The following ATP13A3 variants were observed in gnomAD, a reference collection of about 807,000 sequenced individuals.
The protein encoded by ATP13A3 is polyamine-transporting ATPase 13A3.
Under a neutral mutation model 158.1 loss-of-function variants are expected in ATP13A3, and 59 were observed. The observed-to-expected ratio is 0.37, with a 90% CI of 0.30 to 0.46. ATP13A3 has a LOEUF of 0.46. ATP13A3 is among the 20% of genes least tolerant of loss of function. The probability of loss-of-function intolerance (pLI) is 1.00; values close to 1 mark genes in which losing one functional copy is unlikely to be tolerated. For missense variants in ATP13A3, 1,166 were observed against 1,525.2 expected (o/e 0.76, Z 3.92); for synonymous variants, 491 against 504.3 (o/e 0.97, Z 0.35).
chr3:194,420,684 C>G (rs1292696168), intron 30 of ATP13A3, among the ~76,000 whole-genome samples: 1 of 152,138 alleles, frequency 6.6e-6, no homozygotes, highest in Non-Finnish European at 1.5e-5. Flanking sequence ...AAAAACCAAA[C>G]TGCTTGCTCA....
chr3:194,444,742 T>A lies in ATP13A3; in HGVS notation c.1542A>T (p.Gln514His). ...TEDGLDLWGI[Q>H]RVENARFLSP... ...ATATTTACCGTGCATTTTCCACTCG[T>A]TGAATCCCCCAAAGATCTAAACCAT... Residue 514 changes from glutamine to histidine, a missense_variant, in exon 15 of 34, where the codon CAA becomes CAT. Gln to His is a conservative substitution (Grantham distance 24). Coordinates refer to ENST00000645319, the MANE Select transcript of ATP13A3 (RefSeq NM_001367549.1). 1 of 1,598,370 alleles carries A rather than the reference T, an allele frequency of 6.3e-7. No individual in the cohort carries two copies.
intron 2 of ATP13A3, among the ~76,000 whole-genome samples, chr3:194,465,109 G>A (rs968506831): frequency 6.6e-6 from 1 of 152,090 alleles, no homozygotes; most frequent in Non-Finnish European, 1.5e-5. Flanking sequence ...CAAGGAACTG[G>A]ACATCAGGCA....
At chr3:194,481,323 AGTTT>A (rs1236005220) in intron 2 of ATP13A3, among the ~76,000 whole-genome samples, 1 of 152,136 alleles carries the variant, frequency 6.6e-6, no homozygotes, top group African/African-American at 2.4e-5. Context: ...AACTAAAAAT[AGTTT>A]GTTTCAAGAA....
At position 194,447,931 on chromosome 3, in the gene ATP13A3, G is replaced by A. The variant is rs1282881297; in HGVS notation, c.1229C>T (p.Ala410Val). ...CACAAGACATAGTAGAAACAAGTAG[G>A]CATCTCTGTAGAGTTTAAAATCAGT... ...KPTDFKLYRD[A>V]YLFLLCLVAV... The change falls in exon 13 of 34, where the codon GCC (alanine) becomes GTC (valine). Residue 410 changes from alanine (A) to valine (V), a missense_variant. Ala to Val is a moderately conservative substitution (Grantham distance 64). Transcript: ENST00000645319. The A allele has an allele frequency of 6.2e-7, 1 of 1,610,138 alleles. No individual in the cohort carries two copies. The highest frequency in any genetic ancestry group is 8.5e-7 in the Non-Finnish European group (1 of 1,176,552).
At chr3:194,478,085 T>G (rs1415636989) in intron 2 of ATP13A3, among the ~76,000 whole-genome samples, 1 of 152,136 alleles carries the variant, frequency 6.6e-6, no homozygotes, top group Non-Finnish European at 1.5e-5. Context: ...AAAACCAAGA[T>G]GTTGTCAAGT....
In ATP13A3 at chr3:194,404,341, A is replaced by G; in HGVS notation, c.*1578T>C. ...TCCTGAGTGTAATTTCTATTTTTCT[A>G]TAGTTACCAAACATCATCCAGGTCT... is the stretch of plus-strand genomic sequence containing the variant. On this transcript the variant is annotated 3_prime_UTR_variant, in exon 34 of 34. Coordinates refer to ENST00000645319, the MANE Select transcript of ATP13A3 (RefSeq NM_001367549.1). 4.1e-6 allele frequency: 1 copy of G among 246,548 alleles called. No homozygotes were observed. The highest frequency in any genetic ancestry group is 8.0e-6 in the Non-Finnish European group (1 of 125,032). 15.3% of individuals were successfully genotyped at this position (246,548 alleles called of 1,614,324 possible).
At chr3:194,416,496 T>C (rs1200430096) in intron 31 of ATP13A3, among the ~76,000 whole-genome samples, 1 of 152,114 alleles carries the variant, frequency 6.6e-6, no homozygotes, top group East Asian at 1.9e-4. Flanking sequence ...AAACCACTTA[T>C]GTTAACAACA....
At chr3:194,470,805 T>G (rs1395966463) in intron 2 of ATP13A3, among the ~76,000 whole-genome samples, 1 of 152,202 alleles carries the variant, frequency 6.6e-6, no homozygotes, top group African/African-American at 2.4e-5. Flanking sequence ...TAGATAGATT[T>G]CAAAACATTA....
At chr3:194,425,225 G>C in intron 30 of ATP13A3, 117 bp downstream of exon 30, 1 of 994,760 alleles carries the variant, frequency 1.0e-6, no homozygotes, top group Non-Finnish European at 1.5e-6. Flanking sequence ...AAATCACTAA[G>C]TTGATTCTAT....
At chr3:194,489,798 T>A (rs1359892332), upstream of ATP13A3, among the ~76,000 whole-genome samples, 12 of 152,144 alleles carry the variant, frequency 7.9e-5, no homozygotes, top group Non-Finnish European at 1.2e-4. This position sits in a 1 kb window ranked among gnomAD's most constrained non-coding sequence, Gnocchi z 4.1. Context: ...GGACACTGGC[T>A]TTAGAGGAAG....
In ATP13A3 at chr3:194,405,849, G is replaced by C; in HGVS notation, c.*70C>G. 2 of 1,499,994 alleles carry C rather than the reference G, an allele frequency of 1.3e-6. No homozygotes were observed. Among genetic ancestry groups the C allele is most frequent in the East Asian group, 2.3e-5 (1 of 44,178 alleles). The allele number at this position is 1,499,994 out of a possible 1,614,324, so 92.9% of individuals were successfully genotyped here. A position where few individuals can be genotyped will look rare whatever the true frequency, so the allele number is the denominator to read the frequency against. ...GAACTAGTGCCATTCTGACACACAG[G>C]ATCAGAAACTCCTAAAATCACATAT... On this transcript the variant is annotated 3_prime_UTR_variant, in exon 34 of 34. Transcript: ENST00000645319.
intron 8 of ATP13A3, 112 bp from the exon 9 acceptor site, chr3:194,454,504 A>C: frequency 8.4e-7 from 1 of 1,194,620 alleles, no homozygotes; most frequent in Non-Finnish European, 1.2e-6. Flanking sequence ...GATAAGCTCC[A>C]TAGTATTCTA....
intron 2 of ATP13A3, among the ~76,000 whole-genome samples, chr3:194,477,307 C>T (rs1405194743): frequency 6.6e-6 from 1 of 152,160 alleles, no homozygotes; most frequent in Admixed American, 6.5e-5. Flanking sequence ...AGACTAAAAA[C>T]CTTAAAGGCT....
intron 18 of ATP13A3, 26 bp downstream of exon 18, chr3:194,437,530 G>GC (rs747823106): frequency 6.2e-7 from 1 of 1,611,364 alleles, no homozygotes; most frequent in Non-Finnish European, 8.5e-7. Flanking sequence ...AATATACTTA[G>GC]TAAGAAGTAA....
rs556627412 is a variant in ATP13A3 at position 194,462,204 on chromosome 3, T to G, written c.-14A>C. ...TTCCCTGTCCATACCTACAGTGGAT[T>G]AAAGGTCCAGTGCTTCAAACAATGG... On this transcript the variant is annotated 5_prime_UTR_variant, in exon 3 of 34. Transcript: ENST00000645319. 2.5e-6 allele frequency: 4 copies of G among 1,612,366 alleles called. No individual in the cohort carries two copies. Among genetic ancestry groups the G allele is most frequent in the South Asian group, 1.1e-5 (1 of 91,014 alleles).
chr3:194,476,515 G>T (rs772161600), intron 2 of ATP13A3, among the ~76,000 whole-genome samples: 2 of 152,114 alleles, frequency 1.3e-5, no homozygotes, highest in South Asian at 4.2e-4. Context: ...AGTCACCTTC[G>T]AACTCTTCCT....
chr3:194,440,724 A>T (rs1196498321), intron 16 of ATP13A3, among the ~76,000 whole-genome samples: 1 of 152,252 alleles, frequency 6.6e-6, no homozygotes, highest in Non-Finnish European at 1.5e-5. Context: ...ATAACCTCAA[A>T]GAAAATAAAT....
Position 194,403,779 on chromosome 3 carries a change from C to T in ATP13A3, c.*2140G>A, listed in dbSNP as rs1243110806. 8 of 207,002 alleles carry T rather than the reference C, an allele frequency of 3.9e-5. No homozygotes were observed. Among genetic ancestry groups the T allele is most frequent in the South Asian group, 7.3e-5 (1 of 13,774 alleles). 12.8% of individuals were successfully genotyped at this position (207,002 alleles called of 1,614,324 possible). On this transcript the variant is annotated 3_prime_UTR_variant, in exon 34 of 34. Coordinates refer to ENST00000645319, the MANE Select transcript of ATP13A3 (RefSeq NM_001367549.1). The stretch of plus-strand genomic sequence containing the variant: ...GGCATTCTTCAAATAACATTCTCAA[C>T]GTGAATAACCCACCTTGTCTATATT...
At chr3:194,485,073 A>T (rs1010733074) in intron 2 of ATP13A3, among the ~76,000 whole-genome samples, 2 of 149,232 alleles carry the variant, frequency 1.3e-5, no homozygotes, top group Non-Finnish European at 3.0e-5. Context: ...AAAAAAAAAA[A>T]TTTAAAGCAA....
Sources: gnomAD v4.1 joint callset for allele counts (sites outside exome capture counted in the v4.1 genomes callset) on GRCh38, gnomAD v4.1.1 for gene constraint, Gnocchi (gnomAD v3.1) non-coding constraint, MANE v1.5 for transcripts, NCBI Gene and HGNC (gene_info 2026-07-23, HGNC 2026-07-21) for gene names.